YJU2: variants seen among roughly 807,000 people sequenced by gnomAD.
YJU2 encodes splicing factor YJU2.
YJU2 carries 28 observed loss-of-function variants against 39.6 expected under a neutral mutation model. That is an observed-to-expected ratio of 0.71 (90% CI 0.52 to 0.97). The LOEUF is 0.97. Among genes scored for constraint, YJU2 ranks in the 50% least tolerant of loss-of-function variants. YJU2 has a pLI of 0.00. For missense variants in YJU2, 328 were observed against 430.4 expected, an observed-to-expected ratio of 0.76 and a Z score of 2.11; for synonymous variants, 184 against 182.4, an observed-to-expected ratio of 1.01 and a Z score of -0.07.
At position 4,249,171 on chromosome 19, in the gene YJU2, A is replaced by G. The variant is rs1283636986; in HGVS notation, c.25-57A>G. 24 of 1,231,496 alleles carry G rather than the reference A, an allele frequency of 1.9e-5. No homozygotes were observed. In the Admixed American group the frequency reaches 2.9e-4, roughly 15 times the overall value. 76.3% of individuals were successfully genotyped at this position (1,231,496 alleles called of 1,614,324 possible). On this transcript the variant is annotated intron_variant, in intron 1 of 7. Coordinates refer to ENST00000262962, the MANE Select transcript of YJU2 (RefSeq NM_018074.6). ...CTCCCCAGAGCCCCTTCCCTCTGCC[A>G]TGTCCTGCCCCTGCTTCTGAAAATA...
chr19:4,250,344 C>T (rs1243816097), intron 2 of YJU2, among the ~76,000 whole-genome samples: 1 of 152,036 alleles, frequency 6.6e-6, no homozygotes, highest in Non-Finnish European at 1.5e-5. Flanking sequence ...GGGTCTGTGC[C>T]GAGCGCCAGG....
rs1273531281 is a variant in YJU2, at chr19:4,258,353, C to G, written c.517C>G (p.Leu173Val). The change falls in exon 5 of 8, where the codon CTG (leucine) becomes GTG (valine). Residue 173 changes from leucine (L) to valine (V), a missense_variant. Physicochemically the swap from Leu to Val is conservative, Grantham distance 32 (BLOSUM62 1). This residue lies in a region of YJU2 where 244 missense variants were observed against 264.6 expected (regional missense o/e 0.92). Transcript: ENST00000262962. Reference sequence around the variant, plus strand: ...GGCGCACGTGGACTTCGAGGCTATGCTGAGGCAGCACCGCCTGTCGGAGGA... The same window carrying G: ...GGCGCACGTGGACTTCGAGGCTATGGTGAGGCAGCACCGCCTGTCGGAGGA... Reference protein sequence around the residue: ...RQAHVDFEAMLRQHRLSEEER... With the variant: ...RQAHVDFEAMVRQHRLSEEER... The G allele has an allele frequency of 1.3e-6, 2 of 1,594,350 alleles. No individual in the cohort carries two copies. The highest frequency in any genetic ancestry group is 4.5e-5 in the East Asian group (2 of 44,170).
chr19:4,254,659 C>T (rs911878126), intron 4 of YJU2, among the ~76,000 whole-genome samples, 170 bp downstream of exon 4: 2 of 151,944 alleles, frequency 1.3e-5, no homozygotes, highest in African/African-American at 4.8e-5. Flanking sequence ...GTGGCTCATG[C>T]CTGTAATCTC....
intron 6 of YJU2, among the ~76,000 whole-genome samples, chr19:4,266,246 G>A (rs530713765): frequency 5.3e-4 from 81 of 152,168 alleles, no homozygotes; most frequent in African/African-American, 1.8e-3. Context: ...CACTGCGCCC[G>A]GCCCAGAGCC....
At chr19:4,259,936 G>A (rs1242084968) in intron 5 of YJU2, among the ~76,000 whole-genome samples, 4 of 152,126 alleles carry the variant, frequency 2.6e-5, no homozygotes, top group African/African-American at 4.8e-5. Flanking sequence ...GGTGCCGGGC[G>A]TGGCTGTAAC....
chr19:4,252,346 C>T (rs914299981), intron 3 of YJU2, among the ~76,000 whole-genome samples: 1 of 151,972 alleles, frequency 6.6e-6, no homozygotes, highest in Admixed American at 6.6e-5. Context: ...CGCCTCTAAT[C>T]CCAGTACTTT....
chr19:4,262,011 C>T lies in YJU2; in HGVS notation c.605C>T (p.Ala202Val). 6.2e-7 allele frequency: 1 copy of T among 1,613,266 alleles called. No homozygotes were observed. The stretch of plus-strand genomic sequence containing the variant: ...TCCCACAGGGCCCTGTTGGAGGAAG[C>T]CAGAAAGCGAAGACTGCTGGAGGAC... The part of the protein sequence containing the change: ...EQETAALLEE[A>V]RKRRLLEDSD... Residue 202 changes from alanine to valine, a missense_variant, in exon 6 of 8, where the codon GCC becomes GTC. Physicochemically the swap from Ala to Val is moderately conservative, Grantham distance 64. This residue lies in a region of YJU2 where 244 missense variants were observed against 264.6 expected (regional missense o/e 0.92). Coordinates refer to ENST00000262962, the MANE Select transcript of YJU2 (RefSeq NM_018074.6).
At chr19:4,263,342 C>T (rs561796347) in intron 6 of YJU2, among the ~76,000 whole-genome samples, 4 of 152,212 alleles carry the variant, frequency 2.6e-5, no homozygotes, top group African/African-American at 9.6e-5. Context: ...CTTCAGGGTC[C>T]GGCTGTGGGA....
chr19:4,249,693 C>G (rs910592402), intron 2 of YJU2, among the ~76,000 whole-genome samples: 3 of 151,622 alleles, frequency 2.0e-5, no homozygotes, highest in Non-Finnish European at 4.4e-5. Flanking sequence ...CTCTCTCCCT[C>G]TACTTTCTTT....
chr19:4,252,817 T>A (rs917860026), intron 3 of YJU2, among the ~76,000 whole-genome samples: 5 of 151,972 alleles, frequency 3.3e-5, no homozygotes, highest in South Asian at 4.2e-4. Context: ...TCCTAGCTAC[T>A]TGGGAGGCTG....
At chr19:4,265,175 T>A (rs1337904650) in intron 6 of YJU2, among the ~76,000 whole-genome samples, 2 of 152,204 alleles carry the variant, frequency 1.3e-5, no homozygotes, top group African/African-American at 4.8e-5. Context: ...TGATTCACCT[T>A]CATCAAGACT....
At chr19:4,258,040 G>A (rs1374692288) in intron 4 of YJU2, among the ~76,000 whole-genome samples, 1 of 152,142 alleles carries the variant, frequency 6.6e-6, no homozygotes, top group Non-Finnish European at 1.5e-5. Flanking sequence ...AGCCCCATGT[G>A]GTCACTTTCC....
chr19:4,248,412 C>T (rs75313019), intron 1 of YJU2, among the ~76,000 whole-genome samples: 1 of 152,154 alleles, frequency 6.6e-6, no homozygotes, highest in African/African-American at 2.4e-5. Flanking sequence ...ACAGTGTGCG[C>T]ATTTCACAGA....
chr19:4,267,507 G>C lies in YJU2; in HGVS notation c.709-117G>C, dbSNP rs1449680782. On this transcript the variant is annotated intron_variant, in intron 6 of 7. Coordinates refer to ENST00000262962, the MANE Select transcript of YJU2 (RefSeq NM_018074.6). ...GAGGAGTTTAGAGCAGAGGAGGAAT[G>C]TGGTCAGTGCAGCAGTGGAAGAGTG... 31 of 1,069,076 alleles carry C rather than the reference G, an allele frequency of 2.9e-5. No individual in the cohort carries two copies. In the East Asian group the frequency reaches 7.2e-4, roughly 25 times the overall value. 66.2% of individuals were successfully genotyped at this position (1,069,076 alleles called of 1,614,324 possible). A position where few individuals can be genotyped will look rare whatever the true frequency, so the allele number is the denominator to read the frequency against.
chr19:4,247,890 G>T (rs1970944293), intron 1 of YJU2: 1 of 151,858 alleles, frequency 6.6e-6, no homozygotes, highest in South Asian at 2.1e-4. Context: ...TTTTGAGATG[G>T]AGTTTTGCGC....
intron 5 of YJU2, among the ~76,000 whole-genome samples, chr19:4,258,863 C>T (rs374111945): frequency 5.3e-5 from 8 of 152,200 alleles, no homozygotes; most frequent in South Asian, 2.1e-4. Flanking sequence ...GCCCCCGCTG[C>T]CTCACCCATG....
chr19:4,264,261 C>T (rs1427019112), intron 6 of YJU2, among the ~76,000 whole-genome samples: 3 of 43,938 alleles, frequency 6.8e-5, no homozygotes, highest in Admixed American at 3.3e-4. Flanking sequence ...GACTCTGTCT[C>T]AAAAAAAAAA....
chr19:4,261,084 C>T (rs1487524251), intron 5 of YJU2, among the ~76,000 whole-genome samples: 8 of 149,028 alleles, frequency 5.4e-5, no homozygotes, highest in Admixed American at 2.7e-4. Flanking sequence ...TGCAGAGATG[C>T]GGTCTTGCTG....
Position 4,251,140 on chromosome 19 carries a change from G to A in YJU2, c.239G>A (p.Cys80Tyr), listed in dbSNP as rs762805361. The change falls in exon 3 of 8, where the codon TGC (cysteine) becomes TAC (tyrosine). Residue 80 changes from cysteine (C) to tyrosine (Y), a missense_variant. Transcript: ENST00000262962. ...GLPIFRFYIK[C>Y]TRCLAEITFK... ...CCCATCTTCCGCTTTTACATCAAGTGCACGCGCTGCCTGGCAGAGATCACC... is the reference window on the plus strand; with the variant it reads ...CCCATCTTCCGCTTTTACATCAAGTACACGCGCTGCCTGGCAGAGATCACC... 1 of 1,614,014 alleles carries A rather than the reference G, an allele frequency of 6.2e-7. No homozygotes were observed. The highest frequency in any genetic ancestry group is 1.3e-5 in the African/African-American group (1 of 74,936).
Sources: gnomAD v4.1 joint callset for allele counts (sites outside exome capture counted in the v4.1 genomes callset) on GRCh38, gnomAD v4.1.1 for gene constraint, gnomAD v4.1.1 regional missense constraint, MANE v1.5 for transcripts, NCBI Gene and HGNC (gene_info 2026-07-23, HGNC 2026-07-21) for gene names.